Variants in ALS2CL observed in about 807,000 individuals in gnomAD.
ALS2CL encodes ALS2 C-terminal-like protein.
A neutral mutation model predicts 127.9 loss-of-function variants in ALS2CL; 112 were observed. That is an observed-to-expected ratio of 0.88 (90% CI 0.75 to 1.02). The LOEUF is 1.02. ALS2CL is among the 50% of genes least tolerant of loss of function. The pLI is 0.00. For missense variants in ALS2CL, 1,174 were observed against 1,236.7 expected (o/e 0.95, Z 0.76); for synonymous variants, 519 against 527.6 (o/e 0.98, Z 0.22).
chr3:46,691,003 C>T (rs1482707547), intron 1 of ALS2CL, among the ~76,000 whole-genome samples: 1 of 152,156 alleles, frequency 6.6e-6, no homozygotes, highest in Non-Finnish European at 1.5e-5. Context: ...GGTGAGGCTG[C>T]AGAGAGAGAG....
intron 14 of ALS2CL, 69 bp downstream of exon 14, chr3:46,680,360 GC>G: frequency 6.7e-7 from 1 of 1,495,560 alleles, no homozygotes; most frequent in South Asian, 1.2e-5. Context: ...AAAGGCCTCA[GC>G]TCAGCCTCAG....
intron 9 of ALS2CL, 78 bp downstream of exon 9, chr3:46,683,704 C>A: frequency 6.5e-7 from 1 of 1,547,528 alleles, no homozygotes; most frequent in Non-Finnish European, 8.9e-7. Context: ...TGGGGCCCTG[C>A]AGGGTTGCAT....
intron 15 of ALS2CL, among the ~76,000 whole-genome samples, chr3:46,678,660 G>A (rs1311031832): frequency 6.6e-6 from 1 of 152,228 alleles, no homozygotes; most frequent in Non-Finnish European, 1.5e-5. Flanking sequence ...TCACAGGCAA[G>A]AGTGGGGAGA....
rs954367375 is a variant in ALS2CL, at chr3:46,686,122, G to C, written c.666+186C>G. Reference sequence around the variant, plus strand: ...GCCGGGTCAGGGCCTGGCCCAGGACGTGCTCAGCAGACAGATAAGAATGGC... The same window carrying C: ...GCCGGGTCAGGGCCTGGCCCAGGACCTGCTCAGCAGACAGATAAGAATGGC... On this transcript the variant is annotated intron_variant, in intron 6 of 25. Coordinates refer to ENST00000318962, the MANE Select transcript of ALS2CL (RefSeq NM_147129.5). The surrounding 1 kb of genome is among the most constrained non-coding windows in gnomAD (Gnocchi z 4.3). 2.0e-5 allele frequency among the ~76,000 whole-genome samples: 3 copies of C among 152,184 alleles called. No individual in the cohort carries two copies. Among genetic ancestry groups the C allele is most frequent in the African/African-American group, 7.2e-5 (3 of 41,444 alleles).
Position 46,671,525 on chromosome 3 carries a change from G to A in ALS2CL, c.2744C>T (p.Thr915Ile), listed in dbSNP as rs748633797. The A allele has an allele frequency of 1.9e-6, 3 of 1,614,102 alleles. No homozygotes were observed. The East Asian group carries it at 6.7e-5, about 36-fold the overall frequency. ...LIRDMMDPNH[T>I]GGLYDFLLTA... Reference sequence around the variant, plus strand: ...GAGCAGGAAGTCATACAGGCCTCCTGTGTGGTTGGGGTCCATCATGTCACG... The same window carrying A: ...GAGCAGGAAGTCATACAGGCCTCCTATGTGGTTGGGGTCCATCATGTCACG... The change falls in exon 25 of 26, where the codon ACA (threonine) becomes ATA (isoleucine). Residue 915 changes from threonine to isoleucine, a missense_variant. Transcript: ENST00000318962.
rs369393379 is a variant in ALS2CL, at chr3:46,681,361, G to A, written c.1321C>T (p.Arg441Trp). The change falls in exon 13 of 26, where the codon CGG (arginine) becomes TGG (tryptophan). Residue 441 changes from arginine (R) to tryptophan (W), a missense_variant. Arg to Trp is a moderately radical substitution (Grantham distance 101, BLOSUM62 -3). Coordinates refer to ENST00000318962, the MANE Select transcript of ALS2CL (RefSeq NM_147129.5). The surrounding 1 kb of genome is among the most constrained non-coding windows in gnomAD (Gnocchi z 4.9). ...CTCTCAAGGACCCCAAATCCGTGCC[G>A]CAGGCCCTCCTGGAAGTAGCCCTTG... ...VYKGYFQEGL[R>W]HGFGVLESGP... The A allele has an allele frequency of 4.7e-5, 75 of 1,608,836 alleles. No individual in the cohort carries two copies. Among genetic ancestry groups the A allele is most frequent in the Non-Finnish European group, 2.6e-5 (30 of 1,176,084 alleles).
In ALS2CL at chr3:46,688,233, C is replaced by G; in HGVS notation, c.167G>C (p.Ser56Thr). 6.2e-7 allele frequency: 1 copy of G among 1,613,002 alleles called. No individual in the cohort carries two copies. Among genetic ancestry groups the G allele is most frequent in the Non-Finnish European group, 8.5e-7 (1 of 1,179,998 alleles). Residue 56 changes from serine to threonine, a missense_variant, in exon 3 of 26, where the codon AGC (serine) becomes ACC (threonine). Coordinates refer to ENST00000318962, the MANE Select transcript of ALS2CL (RefSeq NM_147129.5). ...CGTCACCTCCCAGAGTTGCTGGGAG[C>G]TCTTGTGCAGCTGTTGCAAGAGCCG... ...CLRLLQQLHK[S>T]SQQLWEVTEE... is the part of the protein sequence containing the mutation.
chr3:46,677,750 A>G (rs925827897), intron 16 of ALS2CL, among the ~76,000 whole-genome samples: 2 of 151,988 alleles, frequency 1.3e-5, no homozygotes, highest in Non-Finnish European at 2.9e-5. Context: ...CCAAGGAGGA[A>G]CTCTGTTCCT....
chr3:46,672,040 C>T lies in ALS2CL; in HGVS notation c.2535-7G>A. 2 of 1,613,718 alleles carry T rather than the reference C, an allele frequency of 1.2e-6. No individual in the cohort carries two copies. The highest frequency in any genetic ancestry group is 1.7e-6 in the Non-Finnish European group (2 of 1,180,020). Reference sequence around the variant, plus strand: ...CCGTGGGTCCACCGTGGTCCTGCAGCAGGGTAGCTGGCTCCAGGTCAAGGC... The same window carrying T: ...CCGTGGGTCCACCGTGGTCCTGCAGTAGGGTAGCTGGCTCCAGGTCAAGGC... On this transcript the variant is annotated splice_region_variant and splice_polypyrimidine_tract_variant and intron_variant, in intron 23 of 25. Transcript: ENST00000318962.
intron 7 of ALS2CL, 142 bp from the exon 8 acceptor site, chr3:46,684,189 C>G (rs1699592660): frequency 1.0e-6 from 1 of 990,478 alleles, no homozygotes; most frequent in African/African-American, 1.6e-5. Flanking sequence ...GTCCCTCTCC[C>G]CTCTGGCTTG....
At chr3:46,678,534 T>C (rs150938461) in intron 15 of ALS2CL, 145 bp from the exon 16 acceptor site, 1 of 1,137,232 alleles carries the variant, frequency 8.8e-7, no homozygotes, top group South Asian at 1.9e-5. Context: ...AGCTGCTCCA[T>C]GCTGAGGGGT....
intron 14 of ALS2CL, 93 bp from the exon 15 acceptor site, chr3:46,679,380 T>A (rs983729775): frequency 1.3e-5 from 13 of 1,003,474 alleles, no homozygotes; most frequent in African/African-American, 3.2e-5. Flanking sequence ...AAGGGAGATG[T>A]GCCCTGACAC....
At chr3:46,676,203 G>A (rs961437170) in intron 19 of ALS2CL, 42 bp downstream of exon 19, 4 of 1,595,260 alleles carry the variant, frequency 2.5e-6, no homozygotes, top group Non-Finnish European at 3.4e-6. Flanking sequence ...GGGCACACTA[G>A]TGTCACAGGG....
rs1259888647 is a variant in ALS2CL, at chr3:46,687,005, C to T, written c.512G>A (p.Ser171Asn). 3.1e-6 allele frequency: 5 copies of T among 1,601,768 alleles called. No homozygotes were observed. The highest frequency in any genetic ancestry group is 2.2e-5 in the East Asian group (1 of 44,582). ...HVQQYVLLLL[S>N]LGDTIGEHHP... ...CACCTCCCCAATGGTGTCCCCGAGG[C>T]TCAGCAGGAGGAGCACGTACTGTTG... Residue 171 changes from serine to asparagine, a missense_variant, in exon 5 of 26, where the codon AGC (serine) becomes AAC (asparagine). Ser to Asn is a conservative substitution (Grantham distance 46). Transcript: ENST00000318962.
chr3:46,681,325 C>G lies in ALS2CL; in HGVS notation c.1357G>C (p.Ala453Pro), dbSNP rs753004372. ...GFGVLESGPQ[A>P]PQPFRYTGHW... ...CCCGTGTACCTGAAGGGCTGGGGGG[C>G]CTGCGGACCACTCTCAAGGACCCCA... The change falls in exon 13 of 26, where the codon GCC becomes CCC. Residue 453 changes from alanine to proline, a missense_variant. Physicochemically the swap from Ala to Pro is conservative, Grantham distance 27. Coordinates refer to ENST00000318962, the MANE Select transcript of ALS2CL (RefSeq NM_147129.5). The surrounding 1 kb of genome is among the most constrained non-coding windows in gnomAD (Gnocchi z 4.9). 1 of 1,613,650 alleles carries G rather than the reference C, an allele frequency of 6.2e-7. No homozygotes were observed. The highest frequency in any genetic ancestry group is 8.5e-7 in the Non-Finnish European group (1 of 1,179,736).
chr3:46,673,256 C>G, intron 22 of ALS2CL, 83 bp downstream of exon 22: 1 of 1,363,072 alleles, frequency 7.3e-7, no homozygotes, highest in Non-Finnish European at 1.0e-6. Flanking sequence ...CAGCCTCCGC[C>G]CAGCAATCAT....
intron 7 of ALS2CL, among the ~76,000 whole-genome samples, 170 bp downstream of exon 7, chr3:46,685,355 G>A (rs1377488052): frequency 6.6e-6 from 1 of 152,140 alleles, no homozygotes; most frequent in Non-Finnish European, 1.5e-5. Context: ...TGCTCCTCTG[G>A]GGACAGCTCC....
intron 22 of ALS2CL, 134 bp downstream of exon 22, chr3:46,673,205 T>C (rs1175812617): frequency 1.2e-6 from 1 of 855,516 alleles, no homozygotes; most frequent in East Asian, 2.7e-5. Flanking sequence ...AGAATGACAG[T>C]GTCTCCTCCC....
At chr3:46,693,588 AAG>A (rs1700299225) in intron 1 of ALS2CL, 53 bp downstream of exon 1, 1 of 152,338 alleles carries the variant, frequency 6.6e-6, no homozygotes, top group Admixed American at 6.5e-5. Context: ...TGGACGAGCT[AAG>A]CGTGGAGCGC....
Sources: allele counts gnomAD v4.1 joint callset (sites outside exome capture counted in the v4.1 genomes callset), GRCh38; gene constraint gnomAD v4.1.1; non-coding constraint Gnocchi (gnomAD v3.1); transcripts MANE v1.5; gene names NCBI Gene and HGNC (gene_info 2026-07-23, HGNC 2026-07-21).